The following DOCK2 variants were observed in gnomAD, a reference collection of about 807,000 sequenced individuals.
DOCK2 encodes dedicator of cytokinesis 2.
Under a neutral mutation model 248.9 loss-of-function variants are expected in DOCK2, and 87 were observed. That is an observed-to-expected ratio of 0.35 (90% CI 0.29 to 0.42). The LOEUF (loss-of-function observed/expected upper bound fraction) is 0.42. Among genes scored for constraint, DOCK2 ranks in the 10% least tolerant of loss-of-function variants. The pLI, the probability that DOCK2 is intolerant of heterozygous loss-of-function variation, is 1.00. For synonymous variants in DOCK2, 805 were observed against 821.6 expected, an observed-to-expected ratio of 0.98 and a Z score of 0.35; for missense variants, 1,747 against 2,300.2, an observed-to-expected ratio of 0.76 and a Z score of 4.92.
chr5:169,826,270 A>G (rs1017651634), intron 26 of DOCK2, among the ~76,000 whole-genome samples: 1 of 152,178 alleles, frequency 6.6e-6, no homozygotes, highest in Admixed American at 6.5e-5. Flanking sequence ...GCCTGGGGTA[A>G]GGTGGAAGTT....
intron 27 of DOCK2, among the ~76,000 whole-genome samples, chr5:169,853,693 T>C (rs1770729100): frequency 6.6e-6 from 1 of 151,906 alleles, no homozygotes; most frequent in Non-Finnish European, 1.5e-5. Context: ...GAACATGTTC[T>C]AAGGCTCACA....
intron 29 of DOCK2, among the ~76,000 whole-genome samples, chr5:169,994,655 G>A (rs1030131361): frequency 4.6e-5 from 7 of 152,082 alleles, no homozygotes; most frequent in African/African-American, 1.7e-4. Flanking sequence ...AGAAGGCAAG[G>A]GACATTCTAC....
At chr5:169,702,491 G>GT in intron 14 of DOCK2, 64 bp downstream of exon 14, 1 of 1,595,744 alleles carries the variant, frequency 6.3e-7, no homozygotes, top group Non-Finnish European at 8.5e-7. Flanking sequence ...TTGTAAAGAC[G>GT]TACTTTTCCT....
At chr5:169,916,362 CT>C (rs1774875938) in intron 27 of DOCK2, among the ~76,000 whole-genome samples, 1 of 152,198 alleles carries the variant, frequency 6.6e-6, no homozygotes, top group African/African-American at 2.4e-5. Flanking sequence ...TTTCATCAGG[CT>C]CATCAATGTC....
At chr5:169,831,795 T>C (rs137864521) in intron 26 of DOCK2, among the ~76,000 whole-genome samples, 483 of 152,344 alleles carry the variant, frequency 3.2e-3, no homozygotes, top group Non-Finnish European at 6.0e-3. Context: ...AATTCTGATA[T>C]TGTGGATGCC....
chr5:169,791,781 T>C (rs1440121063), intron 25 of DOCK2, among the ~76,000 whole-genome samples: 1 of 152,210 alleles, frequency 6.6e-6, no homozygotes, highest in Non-Finnish European at 1.5e-5. Flanking sequence ...ATCCATTGAA[T>C]AGGTTTTGGT....
intron 27 of DOCK2, chr5:169,882,494 C>T: frequency 1.4e-6 from 2 of 1,392,866 alleles, no homozygotes; most frequent in Non-Finnish European, 1.9e-6. Context: ...TGTCTCTGCC[C>T]CTGTGTTGGC....
At chr5:169,770,956 C>T (rs1483460205) in intron 25 of DOCK2, among the ~76,000 whole-genome samples, 1 of 152,152 alleles carries the variant, frequency 6.6e-6, no homozygotes, top group Non-Finnish European at 1.5e-5. Context: ...TCAAGAGTCT[C>T]CTTTGGGGAT....
chr5:169,981,450 A>C (rs1777933828), intron 27 of DOCK2, among the ~76,000 whole-genome samples: 1 of 152,244 alleles, frequency 6.6e-6, no homozygotes, highest in Admixed American at 6.5e-5. Context: ...TTTTTCCAAC[A>C]GCCTGTGCTC....
At chr5:169,704,856 AAAAAATTTT>A (rs1410591537) in intron 14 of DOCK2, among the ~76,000 whole-genome samples, 4 of 152,072 alleles carry the variant, frequency 2.6e-5, no homozygotes, top group African/African-American at 9.7e-5. Context: ...TTTTAAAATT[AAAAAATTTT>A]AAAAATAAAC....
intron 27 of DOCK2, among the ~76,000 whole-genome samples, chr5:169,915,319 T>G (rs1166096707): frequency 6.6e-6 from 1 of 152,168 alleles, no homozygotes; most frequent in Non-Finnish European, 1.5e-5. Flanking sequence ...AAATCTTTAC[T>G]CAAAATCATC....
chr5:169,744,359 T>C (rs1763490678), intron 22 of DOCK2, among the ~76,000 whole-genome samples: 1 of 152,194 alleles, frequency 6.6e-6, no homozygotes, highest in Non-Finnish European at 1.5e-5. Flanking sequence ...ATAATATTTA[T>C]AAGATGGTGA....
chr5:169,667,389 A>G (rs1358899736), intron 2 of DOCK2, among the ~76,000 whole-genome samples: 4 of 152,214 alleles, frequency 2.6e-5, no homozygotes, highest in Non-Finnish European at 5.9e-5. Flanking sequence ...CAGTTTCCTC[A>G]TCTATAAAAT....
chr5:170,008,222 C>CAA (rs1458638799), intron 30 of DOCK2, among the ~76,000 whole-genome samples: 2 of 49,160 alleles, frequency 4.1e-5, no homozygotes, highest in African/African-American at 1.4e-4. Flanking sequence ...ACAACAACAA[C>CAA]AACAAAAAAA....
chr5:169,981,465 C>T (rs1419524267), intron 27 of DOCK2, among the ~76,000 whole-genome samples: 1 of 152,178 alleles, frequency 6.6e-6, no homozygotes, highest in Non-Finnish European at 1.5e-5. Flanking sequence ...GTGCTCACTT[C>T]GTATCTCTGC....
Position 169,803,090 on chromosome 5 carries a change from A to G in DOCK2, c.2587A>G (p.Lys863Glu), listed in dbSNP as rs141501849. The G allele has an allele frequency of 2.3e-4, 373 of 1,614,192 alleles. No individual in the cohort carries two copies. In the African/African-American group the frequency reaches 2.9e-3, roughly 13 times the overall value. Residue 863 changes from lysine (K) to glutamate (E), a missense_variant, in exon 26 of 52, where the codon AAA (lysine) becomes GAA (glutamate). By Grantham distance (56) the Lys-to-Glu change is moderately conservative (BLOSUM62 1). Around this residue, in one of 4 missense-constraint regions of DOCK2, gnomAD observed 858 missense variants for 1,183.5 expected, o/e 0.72. Coordinates refer to ENST00000520908, the MANE Select transcript of DOCK2 (RefSeq NM_004946.3). ...GGACATTCTGCTTCCTGTCATCACC[A>G]AAGAGCTGAAGGAGCTGCTGGAGCA... ...CRDILLPVIT[K>E]ELKELLEQKD...
intron 36 of DOCK2, among the ~76,000 whole-genome samples, chr5:170,039,181 C>T (rs1200068866): frequency 6.6e-6 from 1 of 152,144 alleles, no homozygotes; most frequent in African/African-American, 2.4e-5. Context: ...ATAAAACACC[C>T]ATTTTTTGAA....
chr5:169,982,958 C>A, intron 27 of DOCK2, 110 bp from the exon 28 acceptor site: 1 of 1,007,490 alleles, frequency 9.9e-7, no homozygotes, highest in Non-Finnish European at 1.5e-6. Flanking sequence ...CATAATAGTA[C>A]TCAGTAAATA....
At chr5:169,797,812 G>A (rs931390721) in intron 25 of DOCK2, among the ~76,000 whole-genome samples, 1 of 152,146 alleles carries the variant, frequency 6.6e-6, no homozygotes, top group African/African-American at 2.4e-5. Flanking sequence ...GTGTTTGTTG[G>A]CTTGACAATC....
Sources: gnomAD v4.1 joint callset for allele counts (sites outside exome capture counted in the v4.1 genomes callset) on GRCh38, gnomAD v4.1.1 for gene constraint, gnomAD v4.1.1 regional missense constraint, MANE v1.5 for transcripts, NCBI Gene and HGNC (gene_info 2026-07-23, HGNC 2026-07-21) for gene names.